The following NFIB variants were observed in gnomAD, a reference collection of about 807,000 sequenced individuals.
NFIB encodes nuclear factor 1 B-type.
NFIB carries 11 observed loss-of-function variants against 61.5 expected under a neutral mutation model. The observed-to-expected ratio is 0.18, with a 90% confidence interval of 0.11 to 0.30. The LOEUF is 0.30. Ranked by LOEUF, NFIB falls within the 10% of genes least tolerant of loss-of-function variation. The probability of loss-of-function intolerance (pLI) is 1.00; values close to 1 mark genes in which losing one functional copy is unlikely to be tolerated. For synonymous variants in NFIB, 260 were observed against 216.5 expected (o/e 1.20, Z -1.76); for missense variants, 471 against 608.9 (o/e 0.77, Z 2.38).
At chr9:14,222,209 G>A (rs550181350) in intron 2 of NFIB, among the ~76,000 whole-genome samples, 11 of 152,214 alleles carry the variant, frequency 7.2e-5, no homozygotes, top group South Asian at 4.1e-4. Context: ...AACACAGCTT[G>A]GAACATGTAA....
chr9:14,160,430 G>A (rs1587157020), intron 3 of NFIB, among the ~76,000 whole-genome samples: 1 of 151,260 alleles, frequency 6.6e-6, no homozygotes, highest in Admixed American at 6.6e-5. Context: ...TTCTATTCTT[G>A]AAATTAAAAA....
the NFIB span, among the ~76,000 whole-genome samples, chr9:14,437,596 G>A: frequency 2.6e-5 from 4 of 152,166 alleles, no homozygotes; most frequent in Non-Finnish European, 5.9e-5. Context: ...GCTTCCTGGA[G>A]CTGCTCTTCT....
chr9:14,156,159 A>G (rs2043373654), intron 3 of NFIB, among the ~76,000 whole-genome samples: 1 of 152,202 alleles, frequency 6.6e-6, no homozygotes, highest in African/African-American at 2.4e-5. Flanking sequence ...TTGATTTGCC[A>G]TGGCCCATGC....
intron 3 of NFIB, among the ~76,000 whole-genome samples, chr9:14,163,663 A>C (rs2044450596): frequency 6.6e-6 from 1 of 152,224 alleles, no homozygotes; most frequent in African/African-American, 2.4e-5. Context: ...ATAAAGTCAC[A>C]GTGAGAATTT....
intron 2 of NFIB, among the ~76,000 whole-genome samples, chr9:14,290,740 C>T (rs2059035939): frequency 6.6e-6 from 1 of 151,980 alleles, no homozygotes; most frequent in Non-Finnish European, 1.5e-5. Flanking sequence ...AGAAAACAAG[C>T]CTCAGTAAAA....
chr9:14,427,115 T>A, the NFIB span, among the ~76,000 whole-genome samples: 2 of 152,214 alleles, frequency 1.3e-5, no homozygotes, highest in African/African-American at 4.8e-5. Flanking sequence ...CTTGTAGCTT[T>A]CTTTTTCATA....
At chr9:14,498,296 T>C in the NFIB span, among the ~76,000 whole-genome samples, 19 of 152,348 alleles carry the variant, frequency 1.2e-4, no homozygotes, top group East Asian at 3.7e-3. Context: ...AGTTGTAATA[T>C]GACTGAAACA....
At chr9:14,130,427 T>C (rs536953048) in intron 6 of NFIB, among the ~76,000 whole-genome samples, 34 of 152,284 alleles carry the variant, frequency 2.2e-4, no homozygotes, top group Non-Finnish European at 4.4e-4. Flanking sequence ...CATAGAACAA[T>C]GTTTTATCCA....
chr9:14,111,621 A>C (rs2037387748), intron 10 of NFIB, among the ~76,000 whole-genome samples: 1 of 152,130 alleles, frequency 6.6e-6, no homozygotes, highest in Non-Finnish European at 1.5e-5. Context: ...GTCAAATAGA[A>C]CCATATTCTA....
chr9:14,098,866 C>T lies in NFIB; in HGVS notation c.1468-10540G>A, dbSNP rs910506162. Among the ~76,000 whole-genome samples the T allele has an allele frequency of 2.8e-4, 42 of 152,350 alleles. 1 individual carries two copies. Among genetic ancestry groups the T allele is most frequent in the Middle Eastern group, 3.4e-3 (1 of 294 alleles). On this transcript the variant is annotated intron_variant, in intron 10 of 10. Transcript: ENST00000380953. ...AAATTTTAAGGTCAAAACAACAAAA[C>T]ATCTTCAGGGTTGTAACCTAATAAG...
At chr9:14,166,381 G>C (rs1563854920) in intron 3 of NFIB, among the ~76,000 whole-genome samples, 1 of 152,098 alleles carries the variant, frequency 6.6e-6, no homozygotes. Context: ...GAAACTCCTT[G>C]AGTGAAAAAC....
chr9:14,314,198 G>A (rs1432595302), upstream of NFIB: 1 of 740,314 alleles, frequency 1.4e-6, no homozygotes, highest in Non-Finnish European at 1.6e-6. Flanking sequence ...GGTGGGATGG[G>A]GGAGAAGGGA....
intron 2 of NFIB, among the ~76,000 whole-genome samples, chr9:14,185,062 T>C (rs2047194339): frequency 2.3e-5 from 3 of 129,754 alleles, no homozygotes; most frequent in Non-Finnish European, 4.9e-5. Context: ...TAATTTACAA[T>C]AATGACCTTT....
intron 6 of NFIB, among the ~76,000 whole-genome samples, chr9:14,138,886 T>C (rs1046052108): frequency 6.8e-6 from 1 of 146,672 alleles, no homozygotes. Flanking sequence ...TAATAATAGT[T>C]GATTTATGTG....
At chr9:14,485,853 T>C in the NFIB span, among the ~76,000 whole-genome samples, 4 of 151,796 alleles carry the variant, frequency 2.6e-5, no homozygotes, top group Non-Finnish European at 5.9e-5. Flanking sequence ...CCAGCCTGGG[T>C]GACAGAGTGA....
intron 4 of NFIB, among the ~76,000 whole-genome samples, chr9:14,152,562 C>G (rs1202326948): frequency 6.6e-6 from 1 of 151,950 alleles, no homozygotes; most frequent in Non-Finnish European, 1.5e-5. Context: ...CTTAGAGGTT[C>G]CACCTTACAT....
chr9:14,487,368 G>A, the NFIB span, among the ~76,000 whole-genome samples: 1 of 152,230 alleles, frequency 6.6e-6, no homozygotes, highest in Non-Finnish European at 1.5e-5. Context: ...TTTAGGGAAA[G>A]CATGTAACTG....
chr9:14,111,503 T>C (rs2037369243), intron 10 of NFIB, among the ~76,000 whole-genome samples: 2 of 152,170 alleles, frequency 1.3e-5, no homozygotes, highest in African/African-American at 4.8e-5. Context: ...GCAAATCCCA[T>C]GAGAAAAATA....
chr9:14,182,708 C>CTGTGTGTG (rs59897559), intron 2 of NFIB, among the ~76,000 whole-genome samples: 38 of 96,992 alleles, frequency 3.9e-4, no homozygotes, highest in African/African-American at 4.8e-4. Flanking sequence ...CTCTCTCTCT[C>CTGTGTGTG]TGTGTGTGTG....
Sources: gnomAD v4.1 joint callset for allele counts (sites outside exome capture counted in the v4.1 genomes callset) on GRCh38, gnomAD v4.1.1 for gene constraint, MANE v1.5 for transcripts, NCBI Gene and HGNC (gene_info 2026-07-23, HGNC 2026-07-21) for gene names.